KCNC2: variants seen among roughly 807,000 people sequenced by gnomAD.
The protein encoded by KCNC2 is potassium voltage-gated channel subfamily C member 2.
KCNC2 carries 21 observed loss-of-function variants against 44.5 expected under a neutral mutation model. The ratio of observed to expected loss-of-function variants is 0.47; its 90% CI spans 0.33 to 0.68. KCNC2 has a LOEUF of 0.68. Ranked by LOEUF, KCNC2 falls within the 30% of genes least tolerant of loss-of-function variation. KCNC2 has a pLI of 0.01. For synonymous variants in KCNC2, 391 were observed against 339.1 expected, an observed-to-expected ratio of 1.15 and a Z score of -1.68; for missense variants, 589 against 826.2, an observed-to-expected ratio of 0.71 and a Z score of 3.52.
intron 2 of KCNC2, among the ~76,000 whole-genome samples, chr12:75,165,456 G>A (rs943419982): frequency 2.2e-4 from 33 of 151,552 alleles, no homozygotes; most frequent in African/African-American, 7.2e-4. Context: ...AGTTATGAAT[G>A]ATAACTAATT....
rs555667898 is a variant in KCNC2, at chr12:75,120,393, C to G, written c.688-69076G>C. Among the ~76,000 whole-genome samples the G allele has an allele frequency of 2.1e-3, 322 of 152,276 alleles. 1 individual carries two copies. Among genetic ancestry groups the G allele is most frequent in the African/African-American group, 7.4e-3 (306 of 41,554 alleles). ...ACTCCCCGCTGCTGGCATACCACAA[C>G]CCTATATTCTAAATCTGGCAAGATT... On this transcript the variant is annotated intron_variant, in intron 2 of 4. Transcript: ENST00000549446.
At chr12:75,187,740 T>C (rs911449991) in intron 2 of KCNC2, among the ~76,000 whole-genome samples, 1 of 152,144 alleles carries the variant, frequency 6.6e-6, no homozygotes, top group Admixed American at 6.5e-5. Flanking sequence ...ACACCATAAA[T>C]ATAATAACCC....
chr12:75,158,654 C>T (rs1373910556), intron 2 of KCNC2, among the ~76,000 whole-genome samples: 1 of 151,784 alleles, frequency 6.6e-6, no homozygotes. Flanking sequence ...AAGGAGGAAA[C>T]CATAACAAGG....
intron 2 of KCNC2, among the ~76,000 whole-genome samples, chr12:75,095,811 A>G (rs1439071582): frequency 2.0e-5 from 3 of 151,936 alleles, no homozygotes; most frequent in African/African-American, 7.2e-5. Context: ...TGTTTACTAA[A>G]TCTACTAAAT....
chr12:75,142,722 T>TA (rs1329108703), intron 2 of KCNC2, among the ~76,000 whole-genome samples: 1 of 152,174 alleles, frequency 6.6e-6, no homozygotes, highest in Non-Finnish European at 1.5e-5. Flanking sequence ...CATGGGCCCC[T>TA]ACAAGGGTTG....
chr12:75,101,367 A>G (rs1253074958), intron 2 of KCNC2, among the ~76,000 whole-genome samples: 1 of 152,066 alleles, frequency 6.6e-6, no homozygotes, highest in Non-Finnish European at 1.5e-5. Context: ...ATGGGTTGGA[A>G]CTATTCTGGG....
intron 2 of KCNC2, among the ~76,000 whole-genome samples, chr12:75,153,573 A>G (rs899069969): frequency 1.3e-5 from 2 of 151,960 alleles, no homozygotes; most frequent in Middle Eastern, 3.4e-3. Context: ...CCACTATGCA[A>G]TATATCCATT....
chr12:75,110,532 G>A (rs116725171), intron 2 of KCNC2, among the ~76,000 whole-genome samples: 1 of 152,010 alleles, frequency 6.6e-6, no homozygotes, highest in Non-Finnish European at 1.5e-5. Flanking sequence ...ATGTAAGAAG[G>A]CAACAAATAT....
intron 2 of KCNC2, among the ~76,000 whole-genome samples, chr12:75,071,962 A>T (rs1411807495): frequency 1.4e-5 from 2 of 138,390 alleles, no homozygotes; most frequent in African/African-American, 6.4e-5. Flanking sequence ...AAAAAAAAAA[A>T]AAGAGTTAAC....
intron 2 of KCNC2, among the ~76,000 whole-genome samples, chr12:75,127,062 T>C (rs1319436990): frequency 2.0e-5 from 3 of 152,222 alleles, no homozygotes; most frequent in African/African-American, 7.2e-5. Flanking sequence ...CTTTGCTTTC[T>C]AGTTTGTCTC....
chr12:75,188,080 T>C (rs1215089579), intron 2 of KCNC2, among the ~76,000 whole-genome samples: 1 of 152,162 alleles, frequency 6.6e-6, no homozygotes, highest in African/African-American at 2.4e-5. Flanking sequence ...GAAAATGCCA[T>C]GAAATTTCAC....
intron 2 of KCNC2, among the ~76,000 whole-genome samples, chr12:75,179,894 C>T (rs997163115): frequency 4.9e-4 from 74 of 151,652 alleles, no homozygotes; most frequent in African/African-American, 1.7e-3. Context: ...CTTAGCATTC[C>T]GTACAATTCT....
rs111506045 is a variant in KCNC2 at position 75,140,625 on chromosome 12, G to T, written c.687+66672C>A. Reference sequence around the variant, plus strand: ...TTTATGTCTGTGGAAACACATTTGGGATACATGTCTACTCATGAATAAATG... The same window carrying T: ...TTTATGTCTGTGGAAACACATTTGGTATACATGTCTACTCATGAATAAATG... On this transcript the variant is annotated intron_variant, in intron 2 of 4. Coordinates refer to ENST00000549446, the MANE Select transcript of KCNC2 (RefSeq NM_139137.4). Among the ~76,000 whole-genome samples, 254 of 151,674 alleles carry T rather than the reference G, an allele frequency of 1.7e-3. 1 individual carries two copies. Among genetic ancestry groups the T allele is most frequent in the South Asian group, 2.9e-3 (14 of 4,806 alleles).
At chr12:75,065,063 G>A (rs1477425086) in intron 2 of KCNC2, among the ~76,000 whole-genome samples, 1 of 152,040 alleles carries the variant, frequency 6.6e-6, no homozygotes, top group African/African-American at 2.4e-5. Flanking sequence ...ATAGGTGGAA[G>A]GAGAAACAAG....
chr12:75,106,511 A>C (rs1196859960), intron 2 of KCNC2, among the ~76,000 whole-genome samples: 1 of 152,190 alleles, frequency 6.6e-6, no homozygotes, highest in Non-Finnish European at 1.5e-5. Flanking sequence ...CTTACTGAGC[A>C]AAAGGAGGCA....
intron 2 of KCNC2, among the ~76,000 whole-genome samples, chr12:75,163,227 A>G (rs1329295920): frequency 1.3e-5 from 2 of 151,770 alleles, no homozygotes; most frequent in African/African-American, 4.8e-5. Context: ...ACATTAATTA[A>G]TAAAGCTGAT....
intron 2 of KCNC2, among the ~76,000 whole-genome samples, chr12:75,121,121 T>C (rs969241461): frequency 7.2e-5 from 11 of 152,220 alleles, no homozygotes; most frequent in African/African-American, 2.7e-4. Flanking sequence ...TCTCAGTTTA[T>C]CTCACTCCTA....
chr12:75,084,938 A>G (rs958703820), intron 2 of KCNC2, among the ~76,000 whole-genome samples: 1 of 150,530 alleles, frequency 6.6e-6, no homozygotes, highest in East Asian at 1.9e-4. Context: ...TCTATATGTA[A>G]ATATAGATTA....
chr12:75,145,970 T>C (rs78086934), intron 2 of KCNC2, among the ~76,000 whole-genome samples: 2 of 151,158 alleles, frequency 1.3e-5, no homozygotes, highest in African/African-American at 4.9e-5. Flanking sequence ...TTTTTTTTTT[T>C]TGAGATGGAG....
Sources: allele counts gnomAD v4.1 joint callset (sites outside exome capture counted in the v4.1 genomes callset), GRCh38; gene constraint gnomAD v4.1.1; transcripts MANE v1.5; gene names NCBI Gene and HGNC (gene_info 2026-07-23, HGNC 2026-07-21).